SNX30: variants seen among roughly 807,000 people sequenced by gnomAD.
The protein encoded by SNX30 is sorting nexin-30.
In SNX30, 24 loss-of-function variants were observed where a neutral mutation model predicts 46.4. The ratio of observed to expected loss-of-function variants is 0.52; its 90% CI spans 0.37 to 0.73. The LOEUF is 0.73. Ranked by LOEUF, SNX30 falls within the 30% of genes least tolerant of loss-of-function variation. The probability of loss-of-function intolerance (pLI) is 0.00; values close to 1 mark genes in which losing one functional copy is unlikely to be tolerated. For missense variants in SNX30, 533 were observed against 555.7 expected (o/e 0.96, Z 0.41); for synonymous variants, 189 against 211.5 (o/e 0.89, Z 0.92).
intron 7 of SNX30, among the ~76,000 whole-genome samples, chr9:112,859,824 A>AT (rs1296327852): frequency 1.3e-5 from 2 of 150,892 alleles, no homozygotes; most frequent in East Asian, 3.9e-4. Context: ...TGTTTTTGTT[A>AT]TTTTTTTTAA....
At chr9:112,865,624 CATATATATATATATATATATATAT>C (rs796986603) in intron 8 of SNX30, among the ~76,000 whole-genome samples, 5 of 79,006 alleles carry the variant, frequency 6.3e-5, no homozygotes, top group Middle Eastern at 7.1e-3. Context: ...CCTGTCACGC[CATATATATATATATATATATATAT>C]ATATATATAT....
rs549048320 is a variant in SNX30 at position 112,867,620 on chromosome 9, C to T, written c.1255-1164C>T. 2.2e-4 allele frequency among the ~76,000 whole-genome samples: 33 copies of T among 151,636 alleles called. No homozygotes were observed. In the South Asian group the frequency reaches 6.1e-3, roughly 28 times the overall value. ...TCAGGATTCCTCTTCAGAGCTCCTCCCACCTCCTCAGAACTCCTCCCGCCT... is the reference window on the plus strand; with the variant it reads ...TCAGGATTCCTCTTCAGAGCTCCTCTCACCTCCTCAGAACTCCTCCCGCCT... On this transcript the variant is annotated intron_variant, in intron 8 of 8. Coordinates refer to ENST00000374232, the MANE Select transcript of SNX30 (RefSeq NM_001012994.2).
chr9:112,754,172 A>G (rs1484009534), intron 1 of SNX30, among the ~76,000 whole-genome samples: 1 of 152,198 alleles, frequency 6.6e-6, no homozygotes, highest in Non-Finnish European at 1.5e-5. Flanking sequence ...AGGGCCCAAG[A>G]TGGTGCGATG....
At chr9:112,774,363 G>C (rs1839703665) in intron 1 of SNX30, among the ~76,000 whole-genome samples, 1 of 151,920 alleles carries the variant, frequency 6.6e-6, no homozygotes, top group African/African-American at 2.4e-5. Context: ...TGAAAGAGTG[G>C]GTCTGTAAGG....
chr9:112,866,669 C>G (rs1841349041), intron 8 of SNX30: 1 of 401,714 alleles, frequency 2.5e-6, no homozygotes, highest in Non-Finnish European at 5.0e-6. Flanking sequence ...TAGGATGCCT[C>G]TCTCCTCCTC....
At chr9:112,763,361 T>TTTC (rs1839475689) in intron 1 of SNX30, among the ~76,000 whole-genome samples, 1 of 5,372 alleles carries the variant, frequency 1.9e-4, no homozygotes, top group African/African-American at 6.3e-4. Context: ...CTATTTAAAC[T>TTTC]TTTTTTTTTT....
intron 1 of SNX30, among the ~76,000 whole-genome samples, chr9:112,756,218 C>T (rs1839345716): frequency 2.0e-5 from 3 of 151,558 alleles, no homozygotes; most frequent in Non-Finnish European, 4.4e-5. Context: ...AAATGTTAGA[C>T]AAGCAGGAAA....
chr9:112,861,777 C>T (rs541774821), intron 7 of SNX30, among the ~76,000 whole-genome samples: 1 of 152,306 alleles, frequency 6.6e-6, no homozygotes, highest in Admixed American at 6.5e-5. Flanking sequence ...TACCGCCACT[C>T]TGGAGTGCCT....
intron 7 of SNX30, among the ~76,000 whole-genome samples, chr9:112,853,470 A>G (rs553887038): frequency 5.3e-5 from 8 of 152,356 alleles, no homozygotes; most frequent in African/African-American, 1.9e-4. Context: ...GTCTCATTTA[A>G]AGGAATGACA....
At chr9:112,865,705 A>G (rs1421314835) in intron 8 of SNX30, among the ~76,000 whole-genome samples, 6 of 142,714 alleles carry the variant, frequency 4.2e-5, no homozygotes, top group African/African-American at 1.0e-4. Flanking sequence ...ACACACATAT[A>G]TATACACACA....
At chr9:112,794,155 T>G (rs967961172) in intron 1 of SNX30, among the ~76,000 whole-genome samples, 15 of 152,156 alleles carry the variant, frequency 9.9e-5, no homozygotes, top group African/African-American at 3.6e-4. Flanking sequence ...TCATTCATTT[T>G]TTTTCTTTTT....
chr9:112,835,645 A>G (rs574724720), intron 4 of SNX30, among the ~76,000 whole-genome samples: 38 of 152,224 alleles, frequency 2.5e-4, no homozygotes, highest in Non-Finnish European at 4.4e-4. Flanking sequence ...TTTAGATACA[A>G]TGGGTTATGA....
At chr9:112,778,564 G>T (rs376230458) in intron 1 of SNX30, among the ~76,000 whole-genome samples, 1 of 152,140 alleles carries the variant, frequency 6.6e-6, no homozygotes, top group South Asian at 2.1e-4. Flanking sequence ...GAGCCACTGC[G>T]CCCGGCCCGG....
chr9:112,791,709 G>A (rs565011554), intron 1 of SNX30, among the ~76,000 whole-genome samples: 25 of 152,086 alleles, frequency 1.6e-4, no homozygotes, highest in African/African-American at 5.3e-4. Flanking sequence ...GCACCTGGCC[G>A]GGAACTTTCT....
chr9:112,780,364 A>G (rs1264003277), intron 1 of SNX30, among the ~76,000 whole-genome samples: 2 of 152,198 alleles, frequency 1.3e-5, no homozygotes, highest in Non-Finnish European at 2.9e-5. Context: ...AAAAATCGTT[A>G]AGATGGTAAG....
chr9:112,782,789 T>A, intron 1 of SNX30, among the ~76,000 whole-genome samples: 1 of 152,260 alleles, frequency 6.6e-6, no homozygotes, highest in East Asian at 1.9e-4. Context: ...GAGATTCCCC[T>A]TAACCTCCTG....
intron 4 of SNX30, among the ~76,000 whole-genome samples, chr9:112,833,067 TA>T (rs1268902471): frequency 6.6e-6 from 1 of 152,006 alleles, no homozygotes; most frequent in Admixed American, 6.6e-5. Context: ...ACCTAACATT[TA>T]CTATCCTAAC....
chr9:112,813,754 A>T (rs1477554454), intron 2 of SNX30, among the ~76,000 whole-genome samples: 1 of 151,910 alleles, frequency 6.6e-6, no homozygotes, highest in Non-Finnish European at 1.5e-5. Context: ...GATTACAGGC[A>T]TGAGCCACCA....
At position 112,874,363 on chromosome 9, in the gene SNX30, G is replaced by T. The variant is rs913217288; in HGVS notation, c.*5520G>T. On this transcript the variant is annotated 3_prime_UTR_variant, in exon 9 of 9. Coordinates refer to ENST00000374232, the MANE Select transcript of SNX30 (RefSeq NM_001012994.2). ...TTGCTGTGAGTTGGGAGTGCATTGAGAGATGATGTCCATCTGATATATTCC... is the reference window on the plus strand; with the variant it reads ...TTGCTGTGAGTTGGGAGTGCATTGATAGATGATGTCCATCTGATATATTCC... The T allele has an allele frequency of 1.9e-4, 29 of 152,220 alleles. No individual in the cohort carries two copies. Among genetic ancestry groups the T allele is most frequent in the Admixed American group, 8.5e-4 (13 of 15,280 alleles). The allele number at this position is 152,220 out of a possible 1,614,324, so 9.4% of individuals were successfully genotyped here.
Sources: allele counts gnomAD v4.1 joint callset (sites outside exome capture counted in the v4.1 genomes callset), GRCh38; gene constraint gnomAD v4.1.1; transcripts MANE v1.5; gene names NCBI Gene and HGNC (gene_info 2026-07-23, HGNC 2026-07-21).